Variants in SBF2 observed in about 807,000 individuals in gnomAD.
The protein encoded by SBF2 is SET binding factor 2.
Under a neutral mutation model 225.2 loss-of-function variants are expected in SBF2, and 112 were observed. The observed-to-expected ratio is 0.50, with a 90% confidence interval of 0.43 to 0.58. The LOEUF (loss-of-function observed/expected upper bound fraction) is 0.58. Ranked by LOEUF, SBF2 falls within the 20% of genes least tolerant of loss-of-function variation. SBF2 has a pLI of 0.00. For synonymous variants in SBF2, 763 were observed against 773.3 expected, an observed-to-expected ratio of 0.99 and a Z score of 0.22; for missense variants, 1,996 against 2,206.2, an observed-to-expected ratio of 0.90 and a Z score of 1.91.
chr11:10,252,240 T>C (rs1960424418), intron 1 of SBF2, among the ~76,000 whole-genome samples: 1 of 152,206 alleles, frequency 6.6e-6, no homozygotes, highest in Non-Finnish European at 1.5e-5. Flanking sequence ...GATAGTGACA[T>C]CAATAACTAA....
rs376463609 is a variant in SBF2, at chr11:9,850,125, T to A, written c.2704A>T (p.Thr902Ser). ...LLDPDGREEA[T>S]GGLLGGPQLL... ...TGAGGGCCTCCAAGAAGACCTCCAG[T>A]AGCTTCTTCTCTTCCATCAGGATCC... The change falls in exon 22 of 40, where the codon ACT becomes TCT. Residue 902 changes from threonine to serine, a missense_variant. Coordinates refer to ENST00000256190, the MANE Select transcript of SBF2 (RefSeq NM_030962.4). 5 of 1,613,946 alleles carry A rather than the reference T, an allele frequency of 3.1e-6. No homozygotes were observed. Among genetic ancestry groups the A allele is most frequent in the South Asian group, 1.1e-5 (1 of 91,078 alleles).
chr11:10,023,520 G>A (rs1227439485), intron 6 of SBF2, among the ~76,000 whole-genome samples: 1 of 152,146 alleles, frequency 6.6e-6, no homozygotes, highest in East Asian at 1.9e-4. Context: ...CCCACTGGCA[G>A]TTATTTCTCA....
At chr11:10,168,072 C>CTGTT (rs1956046941) in intron 2 of SBF2, among the ~76,000 whole-genome samples, 1 of 152,146 alleles carries the variant, frequency 6.6e-6, no homozygotes, top group Non-Finnish European at 1.5e-5. Context: ...CACTGTTTTA[C>CTGTT]TGTTTTTTTA....
intron 17 of SBF2, among the ~76,000 whole-genome samples, chr11:9,868,366 A>AAAAAAAAAAAAAAAAAAAAAG (rs1554933292): frequency 8.7e-6 from 1 of 114,868 alleles, no homozygotes; most frequent in African/African-American, 3.6e-5. Flanking sequence ...AAAAAAAAAA[A>AAAAAAAAAAAAAAAAAAAAAG]AATTAGGCGG....
At chr11:9,899,108 T>C (rs1157987654) in intron 16 of SBF2, among the ~76,000 whole-genome samples, 1 of 151,352 alleles carries the variant, frequency 6.6e-6, no homozygotes, top group East Asian at 1.9e-4. Context: ...AAGAGGTCAC[T>C]GGTGATTTCT....
At chr11:10,159,759 G>A (rs1392171427) in intron 2 of SBF2, among the ~76,000 whole-genome samples, 5 of 152,024 alleles carry the variant, frequency 3.3e-5, no homozygotes, top group Non-Finnish European at 5.9e-5. Context: ...GCGCAGTGGC[G>A]GGTGCCTATA....
chr11:10,090,734 T>TA lies in SBF2; in HGVS notation c.142-47754dup, dbSNP rs565624011. ...GAGCCGAGATTGTGCCACAGCACTC[T>TA]AGCCTGGGAGTCAGAGCAAGATTCC... On this transcript the variant is annotated intron_variant, in intron 2 of 39. Transcript: ENST00000256190. Among the ~76,000 whole-genome samples, 693 of 123,308 alleles carry TA rather than the reference T, an allele frequency of 5.6e-3. 7 individuals carry two copies. Among genetic ancestry groups the TA allele is most frequent in the Non-Finnish European group, 8.2e-3 (521 of 63,226 alleles). The allele number at this position is 123,308 out of a possible 152,430, so 80.9% of individuals were successfully genotyped here.
chr11:10,252,736 GGAGGCGGAGCTTGCAGC>G (rs1417551665), intron 1 of SBF2, among the ~76,000 whole-genome samples: 3 of 151,846 alleles, frequency 2.0e-5, no homozygotes, highest in Non-Finnish European at 4.4e-5. Context: ...CGTGCACCTG[GGAGGCGGAGCTTGCAGC>G]GAGCTTGCAG....
At chr11:9,968,596 A>T (rs564305984) in intron 13 of SBF2, 51 bp from the exon 14 acceptor site, 2 of 1,451,508 alleles carry the variant, frequency 1.4e-6, no homozygotes, top group African/African-American at 2.8e-5. Context: ...TAACAATGGC[A>T]GATCACCAGG....
At chr11:10,040,314 G>C (rs891456558) in intron 3 of SBF2, among the ~76,000 whole-genome samples, 10 of 151,960 alleles carry the variant, frequency 6.6e-5, no homozygotes, top group Non-Finnish European at 1.3e-4. Context: ...TGTACTCTTA[G>C]AAGGATGCCC....
intron 32 of SBF2, 58 bp from the exon 33 acceptor site, chr11:9,796,015 C>T: frequency 6.4e-6 from 10 of 1,572,854 alleles, no homozygotes; most frequent in Non-Finnish European, 8.7e-6. Flanking sequence ...AAGTGGATGC[C>T]AGGCCACTGA....
upstream of SBF2, among the ~76,000 whole-genome samples, chr11:10,295,260 G>C (rs1187155196): frequency 6.6e-6 from 1 of 152,172 alleles, no homozygotes; most frequent in Non-Finnish European, 1.5e-5. Flanking sequence ...AAAGCGTCTA[G>C]TATATAGTAG....
At chr11:9,997,767 G>C (rs1180900299) in intron 9 of SBF2, among the ~76,000 whole-genome samples, 2 of 152,316 alleles carry the variant, frequency 1.3e-5, no homozygotes, top group Admixed American at 6.5e-5. Context: ...GACAGAGCAA[G>C]ACTCCGTCTC....
intron 2 of SBF2, among the ~76,000 whole-genome samples, chr11:10,180,711 T>G (rs1038573514): frequency 6.6e-6 from 1 of 152,186 alleles, no homozygotes; most frequent in African/African-American, 2.4e-5. Flanking sequence ...CTCTTAGATT[T>G]GCCCCATTGG....
At chr11:10,131,056 G>T (rs1954023815) in intron 2 of SBF2, among the ~76,000 whole-genome samples, 1 of 152,112 alleles carries the variant, frequency 6.6e-6, no homozygotes, top group South Asian at 2.1e-4. Flanking sequence ...GAGTACAACT[G>T]CTGAGTCATA....
chr11:10,264,330 T>C (rs1352264940), intron 1 of SBF2, among the ~76,000 whole-genome samples: 1 of 152,106 alleles, frequency 6.6e-6, no homozygotes, highest in East Asian at 1.9e-4. Flanking sequence ...GACAGAGTTA[T>C]AATAAAGATC....
Position 9,856,705 on chromosome 11 carries a change from C to A in SBF2, c.2116G>T (p.Asp706Tyr). The A allele has an allele frequency of 1.2e-6, 2 of 1,613,588 alleles. No individual in the cohort carries two copies. Among genetic ancestry groups the A allele is most frequent in the South Asian group, 2.2e-5 (2 of 91,036 alleles). The part of the protein sequence containing the change: ...HLKQKDKLPD[D>Y]HYQEKTAMDL... ...ATTGCTGTCTTCTCCTGATAATGGT[C>A]ATCAGGAAGCTTATCCTAAAAAATA... Residue 706 changes from aspartate to tyrosine, a missense_variant, in exon 19 of 40, where the codon GAC becomes TAC. Transcript: ENST00000256190.
chr11:10,009,411 C>T (rs1241916493), intron 6 of SBF2, among the ~76,000 whole-genome samples: 1 of 152,136 alleles, frequency 6.6e-6, no homozygotes. Context: ...CTTCCCTACC[C>T]TCCCCACCCC....
chr11:9,842,835 C>A, intron 24 of SBF2, 65 bp from the exon 25 acceptor site: 1 of 1,517,198 alleles, frequency 6.6e-7, no homozygotes, highest in Non-Finnish European at 9.1e-7. Flanking sequence ...ATTGTTGACA[C>A]CTACTTAGCT....
Sources: allele counts gnomAD v4.1 joint callset (sites outside exome capture counted in the v4.1 genomes callset), GRCh38; gene constraint gnomAD v4.1.1; transcripts MANE v1.5; gene names NCBI Gene and HGNC (gene_info 2026-07-23, HGNC 2026-07-21).